TPRG1: variants seen among roughly 807,000 people sequenced by gnomAD.
TPRG1 encodes the protein tumor protein p63-regulated gene 1 protein.
A neutral mutation model predicts 29.3 loss-of-function variants in TPRG1; 29 were observed. The observed-to-expected ratio is 0.99, with a 90% CI of 0.74 to 1.35. The LOEUF (loss-of-function observed/expected upper bound fraction) is 1.35. TPRG1 is among the 40% of genes most tolerant of loss of function. TPRG1 has a pLI of 0.00. For synonymous variants in TPRG1, 130 were observed against 116.8 expected, an observed-to-expected ratio of 1.11 and a Z score of -0.73; for missense variants, 327 against 335.0, an observed-to-expected ratio of 0.98 and a Z score of 0.19.
At chr3:189,316,246 G>A (rs1723503119) in intron 5 of TPRG1, among the ~76,000 whole-genome samples, 1 of 152,130 alleles carries the variant, frequency 6.6e-6, no homozygotes, top group Admixed American at 6.6e-5. Flanking sequence ...TTGTCTCTAT[G>A]CACTTGAATT....
chr3:189,082,760 A>G (rs1009935010), intron 4 of TPRG1, among the ~76,000 whole-genome samples: 2 of 152,228 alleles, frequency 1.3e-5, no homozygotes, highest in African/African-American at 4.8e-5. Flanking sequence ...TGTAGCAGCC[A>G]TAACCTGTAA....
Position 189,207,452 on chromosome 3 carries a change from C to G in TPRG1, c.68C>G (p.Pro23Arg). 1 of 1,613,978 alleles carries G rather than the reference C, an allele frequency of 6.2e-7. No homozygotes were observed. Among genetic ancestry groups the G allele is most frequent in the Non-Finnish European group, 8.5e-7 (1 of 1,179,966 alleles). ...VSLKQEGDDQ[P>R]SETDHLSMEE... is the part of the protein sequence containing the mutation. ...CTGAAGCAAGAGGGAGATGACCAAC[C>G]CTCTGAGACTGACCACCTATCGATG... The change falls in exon 2 of 6, where the codon CCC becomes CGC. Residue 23 changes from proline (P) to arginine (R), a missense_variant. Coordinates refer to ENST00000345063, the MANE Select transcript of TPRG1 (RefSeq NM_198485.4).
intron 1 of TPRG1, among the ~76,000 whole-genome samples, chr3:189,204,272 G>A (rs1733970140): frequency 6.6e-6 from 1 of 152,138 alleles, no homozygotes; most frequent in Non-Finnish European, 1.5e-5. Context: ...TCTGTTACTG[G>A]TATTAATGTA....
chr3:189,122,285 CA>C (rs962415408), intron 1 of TPRG1, among the ~76,000 whole-genome samples: 3 of 152,234 alleles, frequency 2.0e-5, no homozygotes, highest in South Asian at 4.1e-4. Context: ...GTTACACAAG[CA>C]GTTTGGAAGG....
chr3:189,312,189 CTT>C (rs1560689762), intron 5 of TPRG1, among the ~76,000 whole-genome samples: 1 of 34,844 alleles, frequency 2.9e-5, no homozygotes, highest in Non-Finnish European at 5.5e-5. Flanking sequence ...TTCTTTTTTT[CTT>C]TCTTTCTTTC....
intron 5 of TPRG1, among the ~76,000 whole-genome samples, chr3:189,156,417 C>T (rs925907916): frequency 6.6e-5 from 10 of 150,926 alleles, no homozygotes; most frequent in East Asian, 1.9e-4. Flanking sequence ...GTTACAGCAG[C>T]GAAAGGAAAC....
At chr3:189,209,802 C>A (rs576417450) in intron 2 of TPRG1, among the ~76,000 whole-genome samples, 17 of 152,034 alleles carry the variant, frequency 1.1e-4, no homozygotes, top group Non-Finnish European at 2.9e-5. Flanking sequence ...TTAGGTGTAT[C>A]GAAAACAATC....
intron 4 of TPRG1, among the ~76,000 whole-genome samples, chr3:189,263,091 T>C (rs1713420260): frequency 6.6e-6 from 1 of 152,220 alleles, no homozygotes; most frequent in Non-Finnish European, 1.5e-5. Flanking sequence ...TGCAAGTCAC[T>C]AAATCCAGCC....
intron 4 of TPRG1, among the ~76,000 whole-genome samples, chr3:189,250,644 C>G (rs931019708): frequency 6.7e-6 from 1 of 149,222 alleles, no homozygotes; most frequent in African/African-American, 2.5e-5. Context: ...AAGGCAGCAG[C>G]AGGCAGAGAA....
chr3:189,248,437 G>T (rs1741674159), intron 4 of TPRG1, among the ~76,000 whole-genome samples: 1 of 151,456 alleles, frequency 6.6e-6, no homozygotes, highest in African/African-American at 2.4e-5. Context: ...GTTCACAATA[G>T]AATTCTTTTT....
intron 3 of TPRG1, among the ~76,000 whole-genome samples, chr3:189,216,910 GCAAA>G (rs1166843500): frequency 2.6e-5 from 4 of 152,108 alleles, no homozygotes; most frequent in Non-Finnish European, 5.9e-5. Flanking sequence ...CCCATCAGTA[GCAAA>G]CACTTAACTA....
At chr3:189,297,497 T>A (rs1235685335) in intron 4 of TPRG1, among the ~76,000 whole-genome samples, 1 of 152,114 alleles carries the variant, frequency 6.6e-6, no homozygotes, top group African/African-American at 2.4e-5. Context: ...CCACTCCCTC[T>A]GACTACTTGT....
chr3:189,030,123 G>T (rs1713856971), intron 4 of TPRG1, among the ~76,000 whole-genome samples: 1 of 151,874 alleles, frequency 6.6e-6, no homozygotes, highest in African/African-American at 2.4e-5. Flanking sequence ...ATGTTTTTTT[G>T]TGCTTCTTGT....
intron 3 of TPRG1, among the ~76,000 whole-genome samples, chr3:189,141,789 A>G (rs1418194848): frequency 6.6e-6 from 1 of 152,308 alleles, no homozygotes; most frequent in South Asian, 2.1e-4. Context: ...AAGTTCATAC[A>G]CTATATTTTT....
rs986357514 is a variant in TPRG1 at position 189,219,734 on chromosome 3, C to T, written c.302+4351C>T. The T allele has an allele frequency of 1.1e-5, 13 of 1,201,264 alleles. No homozygotes were observed. The Middle Eastern group carries it at 6.9e-4, about 64-fold the overall frequency. The allele number at this position is 1,201,264 out of a possible 1,614,324, so 74.4% of individuals were successfully genotyped here. On this transcript the variant is annotated intron_variant, in intron 3 of 5. Transcript: ENST00000345063. ...GGAGACAGCATCTTCCCTCCACACA[C>T]GTTAGTGTGAAGTGGTGGTGGGCGA... is the stretch of plus-strand genomic sequence containing the variant.
chr3:189,021,696 G>C (rs988410846), intron 3 of TPRG1, among the ~76,000 whole-genome samples: 1 of 152,090 alleles, frequency 6.6e-6, no homozygotes, highest in African/African-American at 2.4e-5. Flanking sequence ...TGGTGAATCT[G>C]ACAATTATGT....
chr3:189,300,951 T>G (rs1443010358), intron 4 of TPRG1, among the ~76,000 whole-genome samples: 1 of 152,132 alleles, frequency 6.6e-6, no homozygotes, highest in Non-Finnish European at 1.5e-5. Context: ...CATAATTCCT[T>G]TCTAATTTTC....
intron 3 of TPRG1, among the ~76,000 whole-genome samples, chr3:189,226,883 T>C (rs1394448584): frequency 6.6e-6 from 1 of 150,770 alleles, no homozygotes; most frequent in Non-Finnish European, 1.5e-5. Flanking sequence ...AGCATATCAC[T>C]ACAGATGCTG....
chr3:189,034,550 A>C (rs1398452992), intron 4 of TPRG1, among the ~76,000 whole-genome samples: 1 of 152,200 alleles, frequency 6.6e-6, no homozygotes, highest in Non-Finnish European at 1.5e-5. Flanking sequence ...GAATGACAGA[A>C]CTGTGGTGAA....
Sources: gnomAD v4.1 joint callset for allele counts (sites outside exome capture counted in the v4.1 genomes callset) on GRCh38, gnomAD v4.1.1 for gene constraint, MANE v1.5 for transcripts, NCBI Gene and HGNC (gene_info 2026-07-23, HGNC 2026-07-21) for gene names.